The following UBE2R2 variants were observed in gnomAD, a reference collection of about 807,000 sequenced individuals.
UBE2R2 encodes ubiquitin conjugating enzyme E2 R2, also known as ubiquitin-conjugating enzyme E2 R2.
A neutral mutation model predicts 27.8 loss-of-function variants in UBE2R2; 1 was observed. The ratio of observed to expected loss-of-function variants is 0.04; its 90% CI spans 0.01 to 0.17. The LOEUF is 0.17. Ranked by LOEUF, UBE2R2 falls within the 10% of genes least tolerant of loss-of-function variation. The pLI is 1.00. For synonymous variants in UBE2R2, 106 were observed against 113.3 expected (o/e 0.94, Z 0.41); for missense variants, 100 against 291.0 (o/e 0.34, Z 4.78).
At chr9:33,871,269 A>G (rs1821478973) in intron 1 of UBE2R2, among the ~76,000 whole-genome samples, 1 of 152,168 alleles carries the variant, frequency 6.6e-6, no homozygotes, top group Non-Finnish European at 1.5e-5. Context: ...TACCTCCCAT[A>G]TTGGTACATG....
intron 1 of UBE2R2, among the ~76,000 whole-genome samples, chr9:33,877,088 G>A (rs1037574076): frequency 6.6e-6 from 1 of 151,398 alleles, no homozygotes; most frequent in African/African-American, 2.4e-5. Context: ...AGGTTGCAGT[G>A]AGCTGGACAA....
At chr9:33,886,423 G>A (rs1341396731) in intron 1 of UBE2R2, among the ~76,000 whole-genome samples, 4 of 152,078 alleles carry the variant, frequency 2.6e-5, no homozygotes, top group Admixed American at 6.6e-5. Context: ...TTGGGAGGCC[G>A]AGGCAGGTGG....
chr9:33,866,043 G>A (rs1340264537), intron 1 of UBE2R2, among the ~76,000 whole-genome samples: 1 of 151,644 alleles, frequency 6.6e-6, no homozygotes, highest in Non-Finnish European at 1.5e-5. Context: ...TGTTGGCCAG[G>A]CTAGTCTCGA....
At chr9:33,866,931 AT>A (rs917444319) in intron 1 of UBE2R2, among the ~76,000 whole-genome samples, 16 of 152,068 alleles carry the variant, frequency 1.1e-4, no homozygotes, top group African/African-American at 3.9e-4. Context: ...TGTTTTAATG[AT>A]TTTTTCGATG....
chr9:33,837,218 T>A (rs1053609103), intron 1 of UBE2R2, among the ~76,000 whole-genome samples: 5 of 152,122 alleles, frequency 3.3e-5, no homozygotes, highest in Non-Finnish European at 7.4e-5. Context: ...TTTCTCTTTT[T>A]TTTCCTTTAT....
chr9:33,902,348 T>G (rs573480369), intron 3 of UBE2R2, among the ~76,000 whole-genome samples: 18 of 152,250 alleles, frequency 1.2e-4, no homozygotes, highest in Admixed American at 5.9e-4. Flanking sequence ...TACACCCGCC[T>G]TCTGAATCTC....
At chr9:33,892,538 C>T (rs1004684532) in intron 2 of UBE2R2, among the ~76,000 whole-genome samples, 1 of 152,056 alleles carries the variant, frequency 6.6e-6, no homozygotes, top group African/African-American at 2.4e-5. Context: ...TGGGGTTATA[C>T]ATTTATAGGT....
intron 1 of UBE2R2, among the ~76,000 whole-genome samples, chr9:33,826,068 A>C (rs2130717817): frequency 6.6e-6 from 1 of 151,436 alleles, no homozygotes; most frequent in Middle Eastern, 3.4e-3. Context: ...GCTTGAACCC[A>C]GGAGGTGCAG....
intron 1 of UBE2R2, among the ~76,000 whole-genome samples, chr9:33,833,877 G>A (rs1820553465): frequency 6.6e-6 from 1 of 152,172 alleles, no homozygotes; most frequent in South Asian, 2.1e-4. Context: ...GCACCTTGTA[G>A]AAGTGGAGTC....
At chr9:33,824,035 C>A (rs1433183068) in intron 1 of UBE2R2, among the ~76,000 whole-genome samples, 3 of 152,150 alleles carry the variant, frequency 2.0e-5, no homozygotes, top group African/African-American at 4.8e-5. Context: ...CAGTTAAGGT[C>A]TAAGGGTTTT....
intron 1 of UBE2R2, among the ~76,000 whole-genome samples, chr9:33,872,656 C>T (rs544057288): frequency 7.9e-5 from 12 of 151,610 alleles, no homozygotes; most frequent in Non-Finnish European, 1.0e-4. Flanking sequence ...CATGGTGGCA[C>T]ATGCCTGTAA....
At chr9:33,831,534 A>C (rs533456477) in intron 1 of UBE2R2, among the ~76,000 whole-genome samples, 1 of 152,274 alleles carries the variant, frequency 6.6e-6, no homozygotes, top group African/African-American at 2.4e-5. Flanking sequence ...CTCTTGCCTC[A>C]GCCTCTGGAG....
chr9:33,862,722 G>A (rs1381896213), intron 1 of UBE2R2, among the ~76,000 whole-genome samples: 1 of 152,006 alleles, frequency 6.6e-6, no homozygotes, highest in Non-Finnish European at 1.5e-5. Flanking sequence ...AGAAGGGTTT[G>A]TCTTTATGTC....
chr9:33,862,753 T>C (rs1346515038), intron 1 of UBE2R2, among the ~76,000 whole-genome samples: 2 of 152,240 alleles, frequency 1.3e-5, no homozygotes, highest in Admixed American at 6.5e-5. Context: ...AACACTCATA[T>C]AACGCTTTGA....
At chr9:33,886,059 T>G (rs1490954243) in intron 1 of UBE2R2, among the ~76,000 whole-genome samples, 1 of 152,188 alleles carries the variant, frequency 6.6e-6, no homozygotes, top group African/African-American at 2.4e-5. Flanking sequence ...AAAAAATGTT[T>G]ACAATGTGAT....
intron 1 of UBE2R2, among the ~76,000 whole-genome samples, chr9:33,859,799 T>TGTGTGTGTGTGAGA (rs766779268): frequency 3.2e-4 from 28 of 86,580 alleles, no homozygotes; most frequent in South Asian, 1.4e-3. Context: ...TGTGTGTGTG[T>TGTGTGTGTGTGAGA]GAGAGAGAGA....
chr9:33,893,997 C>A (rs765818818), intron 2 of UBE2R2, among the ~76,000 whole-genome samples: 11 of 151,760 alleles, frequency 7.2e-5, no homozygotes, highest in Non-Finnish European at 1.2e-4. Context: ...GGATTACAGG[C>A]ATGTGAGCCA....
At chr9:33,820,183 G>A (rs1187830362) in intron 1 of UBE2R2, among the ~76,000 whole-genome samples, 2 of 152,204 alleles carry the variant, frequency 1.3e-5, no homozygotes, top group Non-Finnish European at 2.9e-5. Flanking sequence ...GCATAAGTCT[G>A]GGAAAGGAGT....
intron 1 of UBE2R2, among the ~76,000 whole-genome samples, chr9:33,831,500 T>C (rs547678611): frequency 2.6e-5 from 4 of 152,290 alleles, no homozygotes; most frequent in South Asian, 2.1e-4. Context: ...CACTGCAACC[T>C]CCACCTCCCA....
Sources: allele counts gnomAD v4.1 joint callset (sites outside exome capture counted in the v4.1 genomes callset), GRCh38; gene constraint gnomAD v4.1.1; transcripts MANE v1.5; gene names NCBI Gene and HGNC (gene_info 2026-07-23, HGNC 2026-07-21).